Variants in FBXO11 observed in about 807,000 individuals in gnomAD.
FBXO11 encodes the protein F-box protein 11, also known as F-box only protein 11.
A neutral mutation model predicts 117.0 loss-of-function variants in FBXO11; 13 were observed. That is an observed-to-expected ratio of 0.11 (90% CI 0.07 to 0.18). FBXO11 has a LOEUF of 0.18. FBXO11 is among the 10% of genes least tolerant of loss of function. The pLI is 1.00. For synonymous variants in FBXO11, 490 were observed against 380.5 expected, an observed-to-expected ratio of 1.29 and a Z score of -3.35; for missense variants, 767 against 1,164.4, an observed-to-expected ratio of 0.66 and a Z score of 4.97.
At chr2:47,818,210 G>A in intron 16 of FBXO11, among the ~76,000 whole-genome samples, 1 of 152,196 alleles carries the variant, frequency 6.6e-6, no homozygotes, top group East Asian at 1.9e-4. Context: ...AGCACATGCT[G>A]CTGGAAAAAA....
intron 1 of FBXO11, among the ~76,000 whole-genome samples, chr2:47,857,692 A>C (rs1674419326): frequency 1.3e-5 from 2 of 152,196 alleles, no homozygotes; most frequent in South Asian, 4.1e-4. Context: ...AAATGAGCAA[A>C]GCTAACTCAG....
intron 21 of FBXO11, 31 bp downstream of exon 21, chr2:47,809,126 CT>C (rs1431793113): frequency 7.4e-7 from 1 of 1,343,688 alleles, no homozygotes; most frequent in Non-Finnish European, 1.0e-6. Flanking sequence ...CAGTCTTCCT[CT>C]TTTCAGGACT....
At chr2:47,881,725 T>A (rs779646631) in intron 1 of FBXO11, among the ~76,000 whole-genome samples, 15 of 151,494 alleles carry the variant, frequency 9.9e-5, no homozygotes, top group Non-Finnish European at 1.8e-4. Context: ...TAACATTATA[T>A]TCTGTCGTTA....
At chr2:47,833,524 A>G (rs929520923) in intron 7 of FBXO11, among the ~76,000 whole-genome samples, 2 of 152,208 alleles carry the variant, frequency 1.3e-5, no homozygotes, top group Non-Finnish European at 2.9e-5. Flanking sequence ...AAGAAAGCAA[A>G]AGAGGCTGTA....
chr2:47,808,674 C>A lies in FBXO11; in HGVS notation c.2556-247G>T. The A allele has an allele frequency of 1.0e-5, 4 of 393,066 alleles. No homozygotes were observed. In the East Asian group the frequency reaches 1.2e-4, roughly 12 times the overall value. The allele number at this position is 393,066 out of a possible 1,614,324, so 24.3% of individuals were successfully genotyped here. ...AAGGCAGTTCTTTCCACTTTAAAAG[C>A]CTCTCAAATGTTTCTGGGCTGAAAA... On this transcript the variant is annotated intron_variant, in intron 21 of 22. Transcript: ENST00000403359.
At chr2:47,860,560 G>A (rs1351508579) in intron 1 of FBXO11, among the ~76,000 whole-genome samples, 2 of 151,900 alleles carry the variant, frequency 1.3e-5, no homozygotes, top group African/African-American at 4.8e-5. Context: ...ACAGGTGCAT[G>A]CCACCACGCC....
At chr2:47,859,131 C>A (rs1314333439) in intron 1 of FBXO11, among the ~76,000 whole-genome samples, 4 of 151,760 alleles carry the variant, frequency 2.6e-5, no homozygotes, top group African/African-American at 9.7e-5. Flanking sequence ...TACTTCAACT[C>A]TTAATGGCAC....
intron 1 of FBXO11, among the ~76,000 whole-genome samples, chr2:47,869,272 T>C (rs1219306412): frequency 1.3e-5 from 2 of 152,298 alleles, no homozygotes; most frequent in African/African-American, 4.8e-5. Flanking sequence ...GTTCTAGGCT[T>C]TTATCAAGAG....
chr2:47,851,556 G>T (rs1673861569), intron 1 of FBXO11, among the ~76,000 whole-genome samples: 1 of 152,120 alleles, frequency 6.6e-6, no homozygotes, highest in African/African-American at 2.4e-5. Flanking sequence ...GCTAGTCATT[G>T]TGAATATGAA....
intron 1 of FBXO11, among the ~76,000 whole-genome samples, chr2:47,890,593 C>G (rs1353579877): frequency 6.6e-6 from 1 of 151,972 alleles, no homozygotes; most frequent in East Asian, 1.9e-4. Flanking sequence ...CACCTGAGGT[C>G]AGGAGTTTGA....
chr2:47,813,760 A>T (rs1670802138), intron 17 of FBXO11, 31 bp downstream of exon 17: 1 of 1,430,954 alleles, frequency 7.0e-7, no homozygotes, highest in Non-Finnish European at 9.3e-7. Context: ...AAGTTTATTA[A>T]CACAGAAAAA....
chr2:47,855,422 G>A (rs1674212504), intron 1 of FBXO11, among the ~76,000 whole-genome samples: 2 of 151,748 alleles, frequency 1.3e-5, no homozygotes, highest in Admixed American at 1.3e-4. Context: ...TTATCTCCAA[G>A]ACTATTTAAT....
Position 47,835,952 on chromosome 2 carries a change from G to C in FBXO11, c.637C>G (p.Pro213Ala). The change falls in exon 5 of 23, where the codon CCT becomes GCT. Residue 213 changes from proline to alanine, a missense_variant. This residue lies in a region of FBXO11 where 355 missense variants were observed against 299.8 expected (regional missense o/e 1.18). Transcript: ENST00000403359. Reference sequence around the variant, plus strand: ...ATCTGGTAGAATTTTCCAGGTTCAGGATGCATCATAGGGCGAGTATATTCA... The same window carrying C: ...ATCTGGTAGAATTTTCCAGGTTCAGCATGCATCATAGGGCGAGTATATTCA... The part of the protein sequence containing the change: ...VFEYTRPMMH[P>A]EPGKFYQINP... The C allele has an allele frequency of 7.4e-6, 12 of 1,611,428 alleles. No homozygotes were observed. Among genetic ancestry groups the C allele is most frequent in the Non-Finnish European group, 1.0e-5 (12 of 1,177,892 alleles).
chr2:47,878,319 C>G (rs1676164355), intron 1 of FBXO11, among the ~76,000 whole-genome samples: 1 of 152,012 alleles, frequency 6.6e-6, no homozygotes, highest in South Asian at 2.1e-4. Flanking sequence ...TTGATAGATT[C>G]ATGTATTTAG....
In FBXO11 at chr2:47,809,506, G is replaced by A. The variant is rs556140510; in HGVS notation, c.2446+94C>T. 3.4e-5 allele frequency: 31 copies of A among 905,146 alleles called. 2 individuals are homozygous for A. The South Asian group carries it at 4.8e-4, about 14-fold the overall frequency. 56.1% of individuals were successfully genotyped at this position (905,146 alleles called of 1,614,324 possible). A position where few individuals can be genotyped will look rare whatever the true frequency, so the allele number is the denominator to read the frequency against. ...TCTATCTTAAACTGTTGCTAACTTG[G>A]AGAGTGACATAAGGAATCAAGTTAT... On this transcript the variant is annotated intron_variant, in intron 20 of 22. Coordinates refer to ENST00000403359, the MANE Select transcript of FBXO11 (RefSeq NM_001190274.2).
intron 4 of FBXO11, 31 bp from the exon 5 acceptor site, chr2:47,836,032 G>T: frequency 6.6e-7 from 1 of 1,504,568 alleles, no homozygotes; most frequent in South Asian, 1.2e-5. Context: ...AAATTTTCTT[G>T]ATAAAATGTC....
chr2:47,905,737 G>A lies in FBXO11; in HGVS notation c.-17C>T. 1 of 1,522,740 alleles carries A rather than the reference G, an allele frequency of 6.6e-7. No homozygotes were observed. The highest frequency in any genetic ancestry group is 2.6e-5 in the East Asian group (1 of 37,770). 94.3% of individuals were successfully genotyped at this position (1,522,740 alleles called of 1,614,324 possible). On this transcript the variant is annotated 5_prime_UTR_variant, in exon 1 of 23. Transcript: ENST00000403359. ...GGAGTTCATTTGCCGGGCTGAGGTGGCGGCGTTGGCGGAGGGACACACACA... is the reference window on the plus strand; with the variant it reads ...GGAGTTCATTTGCCGGGCTGAGGTGACGGCGTTGGCGGAGGGACACACACA...
At chr2:47,812,477 T>TATATTTTGTG (rs1280109371) in intron 18 of FBXO11, among the ~76,000 whole-genome samples, 2 of 152,252 alleles carry the variant, frequency 1.3e-5, no homozygotes, top group African/African-American at 4.8e-5. Context: ...GTGTCTTCAC[T>TATATTTTGTG]ATATTTTGTG....
At position 47,868,436 on chromosome 2, in the gene FBXO11, C is replaced by T. The variant is rs72811508; in HGVS notation, c.233-28667G>A. Among the ~76,000 whole-genome samples, 2,058 of 152,182 alleles carry T rather than the reference C, an allele frequency of 0.014. 139 individuals carry two copies. The East Asian group carries it at 0.22, about 16-fold the overall frequency. ...CACTGTCATGAATGCTTGCTGGGCC[C>T]TTCCAATTGCAAATTCATGTACTTT... On this transcript the variant is annotated intron_variant, in intron 1 of 22. Coordinates refer to ENST00000403359, the MANE Select transcript of FBXO11 (RefSeq NM_001190274.2).
Sources: gnomAD v4.1 joint callset for allele counts (sites outside exome capture counted in the v4.1 genomes callset) on GRCh38, gnomAD v4.1.1 for gene constraint, gnomAD v4.1.1 regional missense constraint, MANE v1.5 for transcripts, NCBI Gene and HGNC (gene_info 2026-07-23, HGNC 2026-07-21) for gene names.